The following RTF2 variants were observed in gnomAD, a reference collection of about 807,000 sequenced individuals.
RTF2 encodes UPF0549 protein C20orf43.
In RTF2, 18 loss-of-function variants were observed where a neutral mutation model predicts 38.0. That is an observed-to-expected ratio of 0.47 (90% confidence interval 0.33 to 0.70). The LOEUF (loss-of-function observed/expected upper bound fraction) is 0.70, where lower values mean the gene tolerates loss of function less well. RTF2 is among the 30% of genes least tolerant of loss of function. The pLI is 0.02. For synonymous variants in RTF2, 126 were observed against 137.1 expected (o/e 0.92, Z 0.57); for missense variants, 311 against 379.6 (o/e 0.82, Z 1.50).
At chr20:56,515,196 AG>A (rs1984946688) in intron 6 of RTF2, among the ~76,000 whole-genome samples, 1 of 152,228 alleles carries the variant, frequency 6.6e-6, no homozygotes, top group Non-Finnish European at 1.5e-5. Flanking sequence ...ACTAAGTTTG[AG>A]GTCTTTTTAA....
At chr20:56,473,092 C>T (rs1190681483) in intron 1 of RTF2, among the ~76,000 whole-genome samples, 1 of 152,148 alleles carries the variant, frequency 6.6e-6, no homozygotes, top group Non-Finnish European at 1.5e-5. Flanking sequence ...GATTGCGCCA[C>T]TACACTCCAG....
At chr20:56,498,324 A>G (rs1459588128) in intron 5 of RTF2, among the ~76,000 whole-genome samples, 2 of 152,168 alleles carry the variant, frequency 1.3e-5, no homozygotes, top group African/African-American at 4.8e-5. Flanking sequence ...TGATCTCAGC[A>G]CTTTGGGAGG....
At chr20:56,499,194 CTT>C (rs774875921) in intron 5 of RTF2, among the ~76,000 whole-genome samples, 15 of 133,026 alleles carry the variant, frequency 1.1e-4, no homozygotes, top group Admixed American at 1.5e-4. Context: ...TAATACTTAT[CTT>C]TTTTTTTTTT....
At chr20:56,482,052 G>T (rs1317710264) in intron 4 of RTF2, among the ~76,000 whole-genome samples, 22 of 152,082 alleles carry the variant, frequency 1.4e-4, no homozygotes, top group Admixed American at 1.4e-3. Flanking sequence ...TTGGTTTGCT[G>T]GTCAGTCTCT....
At chr20:56,487,080 C>T (rs1444953335) in intron 5 of RTF2, among the ~76,000 whole-genome samples, 1 of 152,148 alleles carries the variant, frequency 6.6e-6, no homozygotes, top group East Asian at 1.9e-4. Flanking sequence ...TGATCTAAAG[C>T]AATCCAGTTT....
At chr20:56,484,219 T>G in intron 5 of RTF2, 30 bp downstream of exon 5, 1 of 1,543,704 alleles carries the variant, frequency 6.5e-7, no homozygotes, top group East Asian at 2.2e-5. Flanking sequence ...CATTTGTTCC[T>G]TCTCTGTAGC....
chr20:56,475,755 AAC>A (rs964487421), intron 3 of RTF2, among the ~76,000 whole-genome samples: 5 of 152,366 alleles, frequency 3.3e-5, no homozygotes, highest in South Asian at 2.1e-4. Flanking sequence ...GAGAAAAAAA[AAC>A]AGTTATTGAA....
At chr20:56,513,024 G>A (rs962653986) in intron 5 of RTF2, among the ~76,000 whole-genome samples, 6 of 152,272 alleles carry the variant, frequency 3.9e-5, no homozygotes, top group African/African-American at 1.2e-4. Context: ...GTCTAGGCAC[G>A]GTGAGCCAAG....
chr20:56,468,736 A>C lies in RTF2; in HGVS notation c.39A>C (p.Glu13Asp). ...GGGGAACAATCCCCAAGAGGCATGA[A>C]CTGGTGAAGGGGCCGAAGAAGGTTG... ...CDGGTIPKRH[E>D]LVKGPKKVEK... The change falls in exon 1 of 9, where the codon GAA becomes GAC. Residue 13 changes from glutamate to aspartate, a missense_variant. Physicochemically the swap from Glu to Asp is conservative, Grantham distance 45 (BLOSUM62 2). Coordinates refer to ENST00000357348, the MANE Select transcript of RTF2 (RefSeq NM_016407.5). 6.3e-7 allele frequency: 1 copy of C among 1,590,520 alleles called. No individual in the cohort carries two copies. The highest frequency in any genetic ancestry group is 8.6e-7 in the Non-Finnish European group (1 of 1,168,712).
chr20:56,507,370 G>A (rs1299716472), intron 5 of RTF2, among the ~76,000 whole-genome samples: 3 of 152,170 alleles, frequency 2.0e-5, no homozygotes, highest in East Asian at 3.9e-4. Context: ...GGAGGACTCT[G>A]CCCAGTCTCC....
chr20:56,471,133 A>G (rs1200239913), intron 1 of RTF2, among the ~76,000 whole-genome samples: 1 of 152,212 alleles, frequency 6.6e-6, no homozygotes, highest in East Asian at 1.9e-4. Flanking sequence ...CTGAGGCCAT[A>G]TCCAAATAGG....
intron 5 of RTF2, among the ~76,000 whole-genome samples, chr20:56,495,559 T>G (rs1216384800): frequency 1.3e-5 from 2 of 152,150 alleles, no homozygotes; most frequent in Non-Finnish European, 2.9e-5. Context: ...TGTACTTGGG[T>G]TTCATTTTTC....
Position 56,506,328 on chromosome 20 carries a change from A to T in RTF2, c.478-6987A>T, listed in dbSNP as rs6123600. Among the ~76,000 whole-genome samples, 4,212 of 152,286 alleles carry T rather than the reference A, an allele frequency of 0.028. 347 individuals carry two copies. The East Asian group carries it at 0.29, about 11-fold the overall frequency. On this transcript the variant is annotated intron_variant, in intron 5 of 8. Transcript: ENST00000357348. ...TTTACTCTAAGCCATGGGGTACTGC[A>T]CAGGAAACAAAAACAGGATTCCGTG... is the stretch of plus-strand genomic sequence containing the variant.
intron 5 of RTF2, among the ~76,000 whole-genome samples, chr20:56,502,337 A>C (rs1381580622): frequency 6.6e-6 from 1 of 152,196 alleles, no homozygotes; most frequent in African/African-American, 2.4e-5. Context: ...TTGCTCTTCT[A>C]ATTAGAGCCA....
intron 5 of RTF2, among the ~76,000 whole-genome samples, chr20:56,505,801 C>T (rs1281562159): frequency 2.0e-5 from 3 of 152,002 alleles, no homozygotes; most frequent in Admixed American, 6.6e-5. Flanking sequence ...AATAAATGGA[C>T]AAAGGGTAAA....
At chr20:56,497,795 A>C in intron 5 of RTF2, 1 of 329,980 alleles carries the variant, frequency 3.0e-6, no homozygotes, top group South Asian at 2.7e-5. Context: ...CATTTCCCTC[A>C]CTCTTCAAAG....
chr20:56,495,497 T>C (rs1346576864), intron 5 of RTF2, among the ~76,000 whole-genome samples: 1 of 152,220 alleles, frequency 6.6e-6, no homozygotes, highest in African/African-American at 2.4e-5. Flanking sequence ...TGGGAGCATG[T>C]ACTACGCTGG....
intron 5 of RTF2, among the ~76,000 whole-genome samples, chr20:56,503,383 C>A (rs1049054964): frequency 6.6e-6 from 1 of 152,124 alleles, no homozygotes; most frequent in African/African-American, 2.4e-5. Flanking sequence ...CTCAAAACAA[C>A]GACAAGAAAT....
Position 56,517,204 on chromosome 20 carries a change from G to T in RTF2, c.742+3G>T, listed in dbSNP as rs746847399. Reference sequence around the variant, plus strand: ...CAACTTGGCTCCCAAAAGCACAGGTGGGTCCTGTTGTAGCTACAGGGAGCT... The same window carrying T: ...CAACTTGGCTCCCAAAAGCACAGGTTGGTCCTGTTGTAGCTACAGGGAGCT... On this transcript the variant is annotated splice_donor_region_variant and intron_variant, in intron 8 of 8. Transcript: ENST00000357348. 13 of 1,612,598 alleles carry T rather than the reference G, an allele frequency of 8.1e-6. No individual in the cohort carries two copies. In the Admixed American group the frequency reaches 8.3e-5, roughly 10 times the overall value.
Sources: gnomAD v4.1 joint callset for allele counts (sites outside exome capture counted in the v4.1 genomes callset) on GRCh38, gnomAD v4.1.1 for gene constraint, MANE v1.5 for transcripts, NCBI Gene and HGNC (gene_info 2026-07-23, HGNC 2026-07-21) for gene names.